SH3RF1: variants seen among roughly 807,000 people sequenced by gnomAD.
The protein encoded by SH3RF1 is SH3 domain containing ring finger 1.
In SH3RF1, 32 loss-of-function variants were observed where a neutral mutation model predicts 74.0. The observed-to-expected ratio is 0.43, with a 90% confidence interval of 0.33 to 0.58. SH3RF1 has a LOEUF of 0.58. SH3RF1 is among the 20% of genes least tolerant of loss of function. SH3RF1 has a pLI of 0.05. For missense variants in SH3RF1, 954 were observed against 1,130.9 expected (o/e 0.84, Z 2.24); for synonymous variants, 396 against 439.6 (o/e 0.90, Z 1.24).
intron 2 of SH3RF1, among the ~76,000 whole-genome samples, chr4:169,200,380 C>T (rs1561051435): frequency 6.6e-6 from 1 of 152,044 alleles, no homozygotes; most frequent in Non-Finnish European, 1.5e-5. Flanking sequence ...CCGTTAATCA[C>T]AATGCAATTA....
intron 2 of SH3RF1, among the ~76,000 whole-genome samples, chr4:169,202,420 C>CTG (rs34841454): frequency 0.67 from 101,345 of 151,878 alleles, 33,794 homozygotes; most frequent in Middle Eastern, 0.79. Flanking sequence ...CAGTGAGCCT[C>CTG]TGTGGATGAG....
intron 4 of SH3RF1, among the ~76,000 whole-genome samples, chr4:169,139,569 T>C (rs1733751361): frequency 6.6e-6 from 1 of 152,212 alleles, no homozygotes; most frequent in African/African-American, 2.4e-5. Context: ...CAATAGACAG[T>C]GGCTATTAAG....
chr4:169,206,369 C>G (rs1412259056), intron 2 of SH3RF1, among the ~76,000 whole-genome samples: 1 of 151,840 alleles, frequency 6.6e-6, no homozygotes, highest in Non-Finnish European at 1.5e-5. Context: ...GCCCTAGAGT[C>G]TAATATCCAT....
At chr4:169,225,229 A>G (rs1730638532) in intron 2 of SH3RF1, among the ~76,000 whole-genome samples, 1 of 152,172 alleles carries the variant, frequency 6.6e-6, no homozygotes, top group Admixed American at 6.5e-5. Context: ...GAGGATTTGA[A>G]AAGGAAGGTA....
intron 2 of SH3RF1, among the ~76,000 whole-genome samples, chr4:169,178,368 A>AAC (rs1554007367): frequency 1.4e-3 from 209 of 150,610 alleles, no homozygotes; most frequent in Admixed American, 2.5e-3. Flanking sequence ...AAAAATAAGC[A>AAC]TTGTTATGTT....
At chr4:169,165,637 C>CA (rs1734225697) in intron 2 of SH3RF1, among the ~76,000 whole-genome samples, 2 of 146,964 alleles carry the variant, frequency 1.4e-5, no homozygotes, top group South Asian at 2.2e-4. Flanking sequence ...GAAAAAAAGG[C>CA]GGGGGGGGGA....
chr4:169,227,704 G>A (rs1349289533), intron 2 of SH3RF1, among the ~76,000 whole-genome samples: 2 of 152,126 alleles, frequency 1.3e-5, no homozygotes, highest in Non-Finnish European at 2.9e-5. Context: ...CAGTGGCCTG[G>A]AAACAACTTA....
rs530662242 is a variant in SH3RF1, at chr4:169,101,900, A to C, written c.2498+4947T>G. Among the ~76,000 whole-genome samples the C allele has an allele frequency of 9.8e-5, 15 of 152,342 alleles. No homozygotes were observed. The South Asian group carries it at 2.9e-3, about 29-fold the overall frequency. ...ACAATTCAAGAAACAGAGTCTTGCA[A>C]TATAAAGAAGCTCCACAGACTTCCA... On this transcript the variant is annotated intron_variant, in intron 11 of 11. Coordinates refer to ENST00000284637, the MANE Select transcript of SH3RF1 (RefSeq NM_020870.4).
intron 3 of SH3RF1, 72 bp downstream of exon 3, chr4:169,156,332 G>A (rs1048811321): frequency 9.8e-6 from 14 of 1,434,276 alleles, no homozygotes; most frequent in South Asian, 8.9e-5. Context: ...AAGGCAACAC[G>A]AGCTATATTT....
At chr4:169,148,404 T>C (rs1371288959) in intron 4 of SH3RF1, among the ~76,000 whole-genome samples, 1 of 152,202 alleles carries the variant, frequency 6.6e-6, no homozygotes, top group African/African-American at 2.4e-5. Context: ...TGATGTTTAG[T>C]AGTACTACAA....
At chr4:169,189,415 T>C (rs1036597133) in intron 2 of SH3RF1, among the ~76,000 whole-genome samples, 1 of 152,084 alleles carries the variant, frequency 6.6e-6, no homozygotes, top group African/African-American at 2.4e-5. Flanking sequence ...TTAGCATGAG[T>C]TTTCTTACTC....
intron 4 of SH3RF1, among the ~76,000 whole-genome samples, chr4:169,150,544 G>C (rs930809503): frequency 1.3e-5 from 2 of 152,088 alleles, no homozygotes; most frequent in Non-Finnish European, 2.9e-5. Flanking sequence ...ATAATATACT[G>C]TTATTAACTA....
At chr4:169,260,663 T>A (rs563391031) in intron 2 of SH3RF1, among the ~76,000 whole-genome samples, 26 of 152,312 alleles carry the variant, frequency 1.7e-4, no homozygotes, top group African/African-American at 5.5e-4. Context: ...AGTAACAGAA[T>A]AATTTCTCTC....
Position 169,096,223 on chromosome 4 carries a change from G to A in SH3RF1, c.*296C>T, listed in dbSNP as rs1227279682. The A allele has an allele frequency of 1.1e-5, 3 of 280,996 alleles. No individual in the cohort carries two copies. Among genetic ancestry groups the A allele is most frequent in the African/African-American group, 2.2e-5 (1 of 45,420 alleles). 17.4% of individuals were successfully genotyped at this position (280,996 alleles called of 1,614,324 possible). ...AAAGCAAATAAATTAGTTAAGCCTT[G>A]TAAACAATTGTCCATTTTAGTCATA... On this transcript the variant is annotated 3_prime_UTR_variant, in exon 12 of 12. Coordinates refer to ENST00000284637, the MANE Select transcript of SH3RF1 (RefSeq NM_020870.4).
At chr4:169,195,939 C>T (rs1221113772) in intron 2 of SH3RF1, among the ~76,000 whole-genome samples, 1 of 152,096 alleles carries the variant, frequency 6.6e-6, no homozygotes, top group African/African-American at 2.4e-5. Context: ...ACCTCCACCT[C>T]CCCAGTTCAG....
At chr4:169,118,591 G>A (rs1489019210) in intron 8 of SH3RF1, among the ~76,000 whole-genome samples, 1 of 152,064 alleles carries the variant, frequency 6.6e-6, no homozygotes, top group African/African-American at 2.4e-5. Flanking sequence ...GAGTAGCTGG[G>A]AGTACAGGCA....
chr4:169,209,326 A>AGAGT (rs143830569), intron 2 of SH3RF1, among the ~76,000 whole-genome samples: 2,670 of 152,060 alleles, frequency 0.018, 72 homozygotes, highest in African/African-American at 0.061. Context: ...TTATAGAAAA[A>AGAGT]GAGTGTCCTT....
chr4:169,107,480 T>G (rs1733165813), intron 10 of SH3RF1, among the ~76,000 whole-genome samples: 1 of 152,190 alleles, frequency 6.6e-6, no homozygotes, highest in Non-Finnish European at 1.5e-5. Flanking sequence ...TGCTATATAT[T>G]TTTTTGTTTG....
intron 2 of SH3RF1, among the ~76,000 whole-genome samples, chr4:169,224,694 G>C (rs914643746): frequency 6.6e-6 from 1 of 152,202 alleles, no homozygotes; most frequent in Non-Finnish European, 1.5e-5. Context: ...TAGCTGCAGG[G>C]GTAACCAGGA....
Sources: gnomAD v4.1 joint callset for allele counts (sites outside exome capture counted in the v4.1 genomes callset) on GRCh38, gnomAD v4.1.1 for gene constraint, MANE v1.5 for transcripts, NCBI Gene and HGNC (gene_info 2026-07-23, HGNC 2026-07-21) for gene names.